Variants in CNTRL observed in about 807,000 individuals in gnomAD.
CNTRL encodes the protein 110 kDa centrosomal protein.
CNTRL carries 233 observed loss-of-function variants against 303.7 expected under a neutral mutation model. The ratio of observed to expected loss-of-function variants is 0.77; its 90% CI spans 0.69 to 0.86. CNTRL has a LOEUF of 0.86. Ranked by LOEUF, CNTRL falls within the 40% of genes least tolerant of loss-of-function variation. The pLI is 0.00. For missense variants in CNTRL, 2,524 were observed against 2,650.6 expected, an observed-to-expected ratio of 0.95 and a Z score of 1.05; for synonymous variants, 900 against 922.2, an observed-to-expected ratio of 0.98 and a Z score of 0.44.
At chr9:121,112,349 G>C (rs2049783751) in intron 8 of CNTRL, 110 bp from the exon 9 acceptor site, 2 of 880,096 alleles carry the variant, frequency 2.3e-6, no homozygotes, top group South Asian at 4.6e-5. Flanking sequence ...TTACTGTGAA[G>C]TTTTTAAACA....
In CNTRL at chr9:121,141,441, T is replaced by G; in HGVS notation, c.2544T>G (p.Ser848Arg). The change falls in exon 18 of 44, where the codon AGT becomes AGG. Residue 848 changes from serine (S) to arginine (R), a missense_variant. By Grantham distance (110) the Ser-to-Arg change is moderately radical. Transcript: ENST00000373855. ...TTGCTGATTTACAGAAACAATTCAG[T>G]GAAATTCTTGCACGCTCCAAGTGGG... ...KSLADLQKQFSEILARSKWER... is the reference protein window; with the variant it reads ...KSLADLQKQFREILARSKWER... The G allele has an allele frequency of 6.2e-7, 1 of 1,613,956 alleles. No homozygotes were observed. Among genetic ancestry groups the G allele is most frequent in the Non-Finnish European group, 8.5e-7 (1 of 1,179,954 alleles).
At chr9:121,145,205 A>G in intron 21 of CNTRL, 39 bp from the exon 22 acceptor site, 4 of 1,582,592 alleles carry the variant, frequency 2.5e-6, no homozygotes, top group Non-Finnish European at 3.4e-6. Context: ...GAAAGAATGA[A>G]TTCATTGGCA....
At chr9:121,148,888 C>G in intron 24 of CNTRL, 27 bp downstream of exon 24, 1 of 1,597,296 alleles carries the variant, frequency 6.3e-7, no homozygotes, top group Non-Finnish European at 8.6e-7. Context: ...AGGAAAGTTG[C>G]ATTTCTCTTG....
At chr9:121,168,378 G>A in intron 38 of CNTRL, 57 bp downstream of exon 38, 2 of 1,509,090 alleles carry the variant, frequency 1.3e-6, no homozygotes, top group Non-Finnish European at 1.8e-6. Flanking sequence ...TCTGCTGGTT[G>A]TCTTGCAAAA....
At position 121,171,167 on chromosome 9, in the gene CNTRL, T is replaced by C. The variant is rs1490214334; in HGVS notation, c.6277-241T>C. On this transcript the variant is annotated intron_variant, in intron 39 of 43. Transcript: ENST00000373855. ...TTATTCTCATTTTACAGACAATTAA[T>C]GAAGACTCAGAAAGGGATAGTAGCT... 64 of 564,888 alleles carry C rather than the reference T, an allele frequency of 1.1e-4. No homozygotes were observed. In the East Asian group the frequency reaches 1.8e-3, roughly 16 times the overall value. 35.0% of individuals were successfully genotyped at this position (564,888 alleles called of 1,614,324 possible).
intron 4 of CNTRL, among the ~76,000 whole-genome samples, chr9:121,090,824 A>G (rs1241122660): frequency 1.3e-5 from 2 of 152,192 alleles, no homozygotes; most frequent in African/African-American, 4.8e-5. Context: ...GTTCATTTTC[A>G]TGCTGCTGAT....
At position 121,175,224 on chromosome 9, in the gene CNTRL, G is replaced by T. The variant is rs201359624; in HGVS notation, c.6954G>T (p.Gln2318His). ...LTEDSQLGQN[Q>H]EKNASAR Reference sequence around the variant, plus strand: ...AGGACTCTCAACTTGGACAAAATCAGGTAAGCAGCAGCTCTTTTTAAAAAC... The same window carrying T: ...AGGACTCTCAACTTGGACAAAATCATGTAAGCAGCAGCTCTTTTTAAAAAC... Residue 2318 changes from glutamine to histidine, a missense_variant and splice_region_variant, in exon 43 of 44, where the codon CAG (glutamine) becomes CAT (histidine). Physicochemically the swap from Gln to His is conservative, Grantham distance 24. Coordinates refer to ENST00000373855, the MANE Select transcript of CNTRL (RefSeq NM_007018.6). The T allele has an allele frequency of 7.0e-5, 113 of 1,613,594 alleles. No individual in the cohort carries two copies. The highest frequency in any genetic ancestry group is 5.0e-4 in the Admixed American group (30 of 59,994).
chr9:121,086,633 C>CTTTTT (rs60828602), intron 2 of CNTRL, among the ~76,000 whole-genome samples: 1 of 119,234 alleles, frequency 8.4e-6, no homozygotes, highest in Non-Finnish European at 1.7e-5. Context: ...GCTGGATTTA[C>CTTTTT]TTTTTTTTTT....
At chr9:121,132,529 C>T (rs914993354) in intron 14 of CNTRL, among the ~76,000 whole-genome samples, 3 of 152,086 alleles carry the variant, frequency 2.0e-5, no homozygotes, top group Non-Finnish European at 4.4e-5. Context: ...ATTAGCCATT[C>T]GTCTAATCTT....
chr9:121,174,673 C>T (rs1386923060), intron 42 of CNTRL, among the ~76,000 whole-genome samples: 1 of 152,082 alleles, frequency 6.6e-6, no homozygotes, highest in African/African-American at 2.4e-5. Context: ...GGAGACACTC[C>T]AGTTGTCAAG....
At chr9:121,145,528 A>T (rs10454363) in intron 22 of CNTRL, 143 bp downstream of exon 22, 46 of 796,610 alleles carry the variant, frequency 5.8e-5, no homozygotes, top group Non-Finnish European at 1.9e-5. Flanking sequence ...TAAGTAAAAT[A>T]AAATAAATCA....
chr9:121,079,244 C>A (rs2048047279), intron 1 of CNTRL, among the ~76,000 whole-genome samples: 1 of 152,114 alleles, frequency 6.6e-6, no homozygotes, highest in Non-Finnish European at 1.5e-5. Flanking sequence ...GAAATTTAGA[C>A]CAAAAAGCCT....
At chr9:121,096,984 C>T (rs376724741) in intron 6 of CNTRL, among the ~76,000 whole-genome samples, 4 of 149,054 alleles carry the variant, frequency 2.7e-5, no homozygotes, top group African/African-American at 9.9e-5. Context: ...TTTTTTTTGA[C>T]AGTATTAACT....
In CNTRL at chr9:121,125,826, T is replaced by C. The variant is rs1433369280; in HGVS notation, c.1915T>C (p.Cys639Arg). 6.2e-7 allele frequency: 1 copy of C among 1,614,186 alleles called. No individual in the cohort carries two copies. Among genetic ancestry groups the C allele is most frequent in the South Asian group, 1.1e-5 (1 of 91,086 alleles). ...CCAGGCAACTCAGGCCCAGAATGAG[T>C]GCAGGAAGCTGCGGGATGAGAAAGA... ...KGQATQAQNE[C>R]RKLRDEKETL... The change falls in exon 14 of 44, where the codon TGC (cysteine) becomes CGC (arginine). Residue 639 changes from cysteine (C) to arginine (R), a missense_variant. Cys to Arg is a radical substitution (Grantham distance 180). Transcript: ENST00000373855.
At chr9:121,153,367 CTG>C (rs1180098689) in intron 26 of CNTRL, among the ~76,000 whole-genome samples, 1 of 152,234 alleles carries the variant, frequency 6.6e-6, no homozygotes, top group Non-Finnish European at 1.5e-5. Context: ...CACTACTTTC[CTG>C]TGGTTTCCTC....
chr9:121,077,450 C>T (rs2047969199), intron 1 of CNTRL, among the ~76,000 whole-genome samples: 1 of 152,082 alleles, frequency 6.6e-6, no homozygotes, highest in East Asian at 1.9e-4. Flanking sequence ...ACACTGTAAA[C>T]CCCTAAGCCC....
rs2053146383 is a variant in CNTRL, at chr9:121,167,598, A to T, written c.5765A>T (p.Glu1922Val). 2 of 1,614,212 alleles carry T rather than the reference A, an allele frequency of 1.2e-6. No individual in the cohort carries two copies. The highest frequency in any genetic ancestry group is 4.5e-5 in the East Asian group (2 of 44,886). Residue 1922 changes from glutamate (E) to valine (V), a missense_variant, in exon 37 of 44, where the codon GAG becomes GTG. Physicochemically the swap from Glu to Val is moderately radical, Grantham distance 121. Coordinates refer to ENST00000373855, the MANE Select transcript of CNTRL (RefSeq NM_007018.6). ...AGGTTTGAAGACTGTCAGAAAGAAG[A>T]GGAGACAAAACAACAACAACTTCAA... ...ANRFEDCQKE[E>V]ETKQQQLQVL... is the part of the protein sequence containing the mutation.
intron 39 of CNTRL, 95 bp downstream of exon 39, chr9:121,169,911 A>C (rs761317861): frequency 7.0e-6 from 7 of 994,472 alleles, no homozygotes; most frequent in Non-Finnish European, 1.1e-5. Flanking sequence ...TAAATTACCC[A>C]TCAACCCAGT....
chr9:121,100,280 A>G (rs966136128), intron 7 of CNTRL, among the ~76,000 whole-genome samples: 3 of 152,248 alleles, frequency 2.0e-5, no homozygotes, highest in African/African-American at 7.2e-5. Context: ...AATAATTTTC[A>G]ACCCAGAATC....
Sources: gnomAD v4.1 joint callset for allele counts (sites outside exome capture counted in the v4.1 genomes callset) on GRCh38, gnomAD v4.1.1 for gene constraint, MANE v1.5 for transcripts, NCBI Gene and HGNC (gene_info 2026-07-23, HGNC 2026-07-21) for gene names.